Variants in KIAA0825 observed in about 807,000 individuals in gnomAD.
The protein encoded by KIAA0825 is uncharacterized protein KIAA0825.
A neutral mutation model predicts 147.6 loss-of-function variants in KIAA0825; 119 were observed. The observed-to-expected ratio is 0.81, with a 90% CI of 0.69 to 0.94. The LOEUF is 0.94. Ranked by LOEUF, KIAA0825 falls within the 40% of genes least tolerant of loss-of-function variation. KIAA0825 has a pLI of 0.00. For synonymous variants in KIAA0825, 470 were observed against 518.1 expected, an observed-to-expected ratio of 0.91 and a Z score of 1.26; for missense variants, 1,381 against 1,472.7, an observed-to-expected ratio of 0.94 and a Z score of 1.02.
intron 20 of KIAA0825, among the ~76,000 whole-genome samples, chr5:94,279,973 T>C (rs190821928): frequency 6.9e-4 from 105 of 152,144 alleles, no homozygotes; most frequent in Admixed American, 3.1e-3. Flanking sequence ...AAGGACAGCA[T>C]GAATGAAGAC....
chr5:94,474,932 A>G (rs1761681568), intron 7 of KIAA0825, among the ~76,000 whole-genome samples: 1 of 152,156 alleles, frequency 6.6e-6, no homozygotes. Context: ...TACTAAAAAT[A>G]CAAAAAATTA....
chr5:94,157,522 CTGAT>C (rs1393857718), intron 20 of KIAA0825, among the ~76,000 whole-genome samples: 1 of 152,184 alleles, frequency 6.6e-6, no homozygotes, highest in Non-Finnish European at 1.5e-5. Flanking sequence ...TTGTACCACT[CTGAT>C]TGACTTGGTT....
rs757683420 is a variant in KIAA0825, at chr5:94,426,024, TATTATTATC to T, written c.2498-8668_2498-8660del. 4.2e-3 allele frequency among the ~76,000 whole-genome samples: 626 copies of T among 149,150 alleles called. 9 individuals carry two copies. The highest frequency in any genetic ancestry group is 0.024 in the Middle Eastern group (7 of 286). On this transcript the variant is annotated intron_variant, in intron 14 of 20. Transcript: ENST00000682413. ...CACTATGCCTGGATAATTTTTGTAT[TATTATTATC>T]ATTATTATTATTATTATTATAGAGA...
chr5:94,184,889 A>G (rs985347317), intron 20 of KIAA0825, among the ~76,000 whole-genome samples: 6 of 152,258 alleles, frequency 3.9e-5, no homozygotes, highest in African/African-American at 7.2e-5. Flanking sequence ...CTTATGAAAA[A>G]CTGGCAGCTG....
chr5:94,171,737 T>C (rs774015611), intron 20 of KIAA0825, among the ~76,000 whole-genome samples: 2 of 152,160 alleles, frequency 1.3e-5, no homozygotes, highest in Non-Finnish European at 2.9e-5. Flanking sequence ...TTAATTAAGA[T>C]TGTTTGCCAT....
chr5:94,451,867 C>G (rs904270494), intron 13 of KIAA0825, among the ~76,000 whole-genome samples: 4 of 152,192 alleles, frequency 2.6e-5, no homozygotes, highest in Admixed American at 2.0e-4. Flanking sequence ...TCAAATGACA[C>G]AGCTTGTTTG....
chr5:94,498,325 G>A (rs1486947128), intron 5 of KIAA0825, among the ~76,000 whole-genome samples: 1 of 152,108 alleles, frequency 6.6e-6, no homozygotes, highest in African/African-American at 2.4e-5. Flanking sequence ...AGCCTTCCCT[G>A]AGACTCTCTA....
chr5:94,175,259 A>G (rs1250568923), intron 20 of KIAA0825, among the ~76,000 whole-genome samples: 1 of 152,164 alleles, frequency 6.6e-6, no homozygotes, highest in East Asian at 1.9e-4. Flanking sequence ...TATTTCTTCA[A>G]ACATCCTTGT....
intron 5 of KIAA0825, chr5:94,519,810 T>C: frequency 2.6e-6 from 2 of 782,088 alleles, no homozygotes; most frequent in Non-Finnish European, 3.1e-6. Context: ...TTAAAAATCA[T>C]ACTTTTCTGT....
At chr5:94,364,985 GC>G (rs1745628306) in intron 20 of KIAA0825, among the ~76,000 whole-genome samples, 1 of 152,090 alleles carries the variant, frequency 6.6e-6, no homozygotes, top group African/African-American at 2.4e-5. Flanking sequence ...CCATCTCTTT[GC>G]CAAACTACGT....
At chr5:94,218,643 C>A (rs916126262) in intron 20 of KIAA0825, among the ~76,000 whole-genome samples, 2 of 152,158 alleles carry the variant, frequency 1.3e-5, no homozygotes, top group African/African-American at 4.8e-5. Flanking sequence ...TGCCAACATA[C>A]CACAGAGTTG....
chr5:94,548,646 C>T (rs965526756), intron 2 of KIAA0825, among the ~76,000 whole-genome samples: 1 of 151,984 alleles, frequency 6.6e-6, no homozygotes, highest in African/African-American at 2.4e-5. Flanking sequence ...AAACCAAGAC[C>T]CAGTGGTGTC....
At chr5:94,456,534 T>C (rs1230884808) in intron 12 of KIAA0825, among the ~76,000 whole-genome samples, 1 of 152,194 alleles carries the variant, frequency 6.6e-6, no homozygotes, top group Non-Finnish European at 1.5e-5. Context: ...ATAGAGGTAG[T>C]GTATGGGCAC....
rs548369007 is a variant in KIAA0825, at chr5:94,516,389, C to T, written c.970+3859G>A. 3.9e-5 allele frequency among the ~76,000 whole-genome samples: 6 copies of T among 152,282 alleles called. No individual in the cohort carries two copies. The South Asian group carries it at 1.2e-3, about 32-fold the overall frequency. On this transcript the variant is annotated intron_variant, in intron 5 of 20. Transcript: ENST00000682413. ...TAGAAAAGCATCATAAAAACTACCC[C>T]TAGTGAGTGTCTGAGTTAATAACAC...
intron 17 of KIAA0825, among the ~76,000 whole-genome samples, chr5:94,393,246 T>C (rs1014663538): frequency 6.6e-6 from 1 of 152,206 alleles, no homozygotes; most frequent in African/African-American, 2.4e-5. Context: ...ACTGCATTAA[T>C]CTTAATCTGT....
intron 20 of KIAA0825, among the ~76,000 whole-genome samples, chr5:94,266,292 C>G (rs1776734479): frequency 6.6e-6 from 1 of 152,134 alleles, no homozygotes; most frequent in Non-Finnish European, 1.5e-5. Context: ...TTAACAGTTA[C>G]AATTTCTGTG....
intron 20 of KIAA0825, among the ~76,000 whole-genome samples, chr5:94,190,315 T>TTTTGTTTG (rs376464492): frequency 6.6e-6 from 1 of 151,864 alleles, no homozygotes; most frequent in South Asian, 2.1e-4. Flanking sequence ...ATACGATGTT[T>TTTTGTTTG]TTTGTTTGTT....
chr5:94,570,902 C>T (rs893316795), intron 2 of KIAA0825, among the ~76,000 whole-genome samples: 3 of 152,182 alleles, frequency 2.0e-5, no homozygotes, highest in African/African-American at 7.2e-5. Flanking sequence ...GCATTACTGC[C>T]AGCCACCATG....
chr5:94,222,589 A>G (rs147845713), intron 20 of KIAA0825, among the ~76,000 whole-genome samples: 2 of 152,312 alleles, frequency 1.3e-5, no homozygotes, highest in African/African-American at 4.8e-5. Flanking sequence ...GTTGTTTTCA[A>G]AATTGAAACC....
Sources: allele counts gnomAD v4.1 joint callset (sites outside exome capture counted in the v4.1 genomes callset), GRCh38; gene constraint gnomAD v4.1.1; transcripts MANE v1.5; gene names NCBI Gene and HGNC (gene_info 2026-07-23, HGNC 2026-07-21).